The following MAP3K9 variants were observed in gnomAD, a reference collection of about 807,000 sequenced individuals.
MAP3K9 encodes the protein mitogen-activated protein kinase kinase kinase 9.
A neutral mutation model predicts 95.8 loss-of-function variants in MAP3K9; 46 were observed. The ratio of observed to expected loss-of-function variants is 0.48; its 90% CI spans 0.38 to 0.61. The LOEUF is 0.61. MAP3K9 is among the 20% of genes least tolerant of loss of function. The probability of loss-of-function intolerance (pLI) is 0.00; values close to 1 mark genes in which losing one functional copy is unlikely to be tolerated. For synonymous variants in MAP3K9, 533 were observed against 593.8 expected, an observed-to-expected ratio of 0.90 and a Z score of 1.49; for missense variants, 1,296 against 1,474.3, an observed-to-expected ratio of 0.88 and a Z score of 1.98.
chr14:70,742,306 T>C (rs1398513364), intron 6 of MAP3K9, 45 bp downstream of exon 6: 5 of 1,592,654 alleles, frequency 3.1e-6, no homozygotes, highest in East Asian at 2.2e-5. Context: ...GCCACACGAG[T>C]TCTTTGCCCT....
Position 70,800,795 on chromosome 14 carries a change from A to G in MAP3K9, c.692T>C (p.Val231Ala). The change falls in exon 2 of 12, where the codon GTG (valine) becomes GCG (alanine). Residue 231 changes from valine (V) to alanine (A), a missense_variant. By Grantham distance (64) the Val-to-Ala change is moderately conservative. Transcript: ENST00000554752. ...EFARGGPLNR[V>A]LSGKRIPPDI... ...TGGGGGAATCCTTTTCCCAGATAAC[A>G]CTCTATTCAAAGGTCCTCCACGAGC... The G allele has an allele frequency of 6.2e-7, 1 of 1,613,964 alleles. No homozygotes were observed. The highest frequency in any genetic ancestry group is 8.5e-7 in the Non-Finnish European group (1 of 1,180,008).
At chr14:70,799,095 A>C (rs2054899442) in intron 2 of MAP3K9, among the ~76,000 whole-genome samples, 1 of 152,210 alleles carries the variant, frequency 6.6e-6, no homozygotes, top group African/African-American at 2.4e-5. Context: ...TTCTCTCTAA[A>C]GGGAAACATT....
At chr14:70,774,406 C>T (rs545997911) in intron 2 of MAP3K9, among the ~76,000 whole-genome samples, 39 of 152,336 alleles carry the variant, frequency 2.6e-4, no homozygotes, top group African/African-American at 9.1e-4. Flanking sequence ...TGGCTCACGC[C>T]TGTAATCTCA....
chr14:70,732,686 A>T lies in MAP3K9; in HGVS notation c.2683T>A (p.Ser895Thr). ...AGGGTGACATGGGTGGGAGTCAGAG[A>T]TTGGTTAGGATCTCGTTTGAAGCGC... ...VERFKRDPNQ[S>T]LTPTHVTLTT... Residue 895 changes from serine to threonine, a missense_variant, in exon 11 of 12, where the codon TCT becomes ACT. By Grantham distance (58) the Ser-to-Thr change is moderately conservative. Transcript: ENST00000554752. The T allele has an allele frequency of 6.2e-7, 1 of 1,601,122 alleles. No homozygotes were observed.
At chr14:70,760,589 T>C (rs1053204092) in intron 3 of MAP3K9, among the ~76,000 whole-genome samples, 5 of 152,116 alleles carry the variant, frequency 3.3e-5, no homozygotes, top group Admixed American at 6.6e-5. Flanking sequence ...AGTGAGGACA[T>C]TGGGTTAATC....
intron 3 of MAP3K9, among the ~76,000 whole-genome samples, chr14:70,752,373 T>C (rs575466744): frequency 1.3e-5 from 2 of 152,186 alleles, no homozygotes; most frequent in African/African-American, 2.4e-5. Flanking sequence ...CTCATAGATA[T>C]GTGAGTGAGT....
intron 2 of MAP3K9, among the ~76,000 whole-genome samples, chr14:70,773,434 T>C (rs2054556204): frequency 6.6e-6 from 1 of 152,236 alleles, no homozygotes; most frequent in African/African-American, 2.4e-5. Flanking sequence ...GAAAAGAGCC[T>C]GAAATCTGTG....
rs1239475856 is a variant in MAP3K9, at chr14:70,800,890, C to G, written c.597G>C (p.Lys199Asn). The G allele has an allele frequency of 6.2e-7, 1 of 1,614,206 alleles. No homozygotes were observed. Among genetic ancestry groups the G allele is most frequent in the Non-Finnish European group, 8.5e-7 (1 of 1,180,034 alleles). Residue 199 changes from lysine to asparagine, a missense_variant, in exon 2 of 12, where the codon AAG becomes AAC. Lys to Asn is a moderately conservative substitution (Grantham distance 94). Transcript: ENST00000554752. ...RQEAKLFAML[K>N]HPNIIALRGV... ...CTCTTAGGGCAATGATGTTGGGGTG[C>G]TTCAGCATGGCGAAGAGCTTGGCCT...
intron 9 of MAP3K9, among the ~76,000 whole-genome samples, chr14:70,735,087 C>T (rs4899367): frequency 0.93 from 142,355 of 152,324 alleles, 66,658 homozygotes; most frequent in African/African-American, 0.96. Context: ...GACAGACCTA[C>T]GTGGGTAGTG....
rs376380612 is a variant in MAP3K9, at chr14:70,732,629, G to A, written c.2740C>T (p.Arg914Trp). Residue 914 changes from arginine (R) to tryptophan (W), a missense_variant, in exon 11 of 12, where the codon CGG becomes TGG. Physicochemically the swap from Arg to Trp is moderately radical, Grantham distance 101. Coordinates refer to ENST00000554752, the MANE Select transcript of MAP3K9 (RefSeq NM_001284230.2). ...TTAAGGGCCCCATCAGAAGGAGTCC[G>A]CCGGTGACTGCTGGGCTGCGAGGGG... Reference protein sequence around the residue: ...TTPSQPSSHRRTPSDGALKPE... With the variant: ...TTPSQPSSHRWTPSDGALKPE... 6.8e-5 allele frequency: 110 copies of A among 1,606,650 alleles called. No individual in the cohort carries two copies. In the Middle Eastern group the frequency reaches 1.2e-3, roughly 17 times the overall value.
chr14:70,795,317 T>C (rs547354757), intron 2 of MAP3K9, among the ~76,000 whole-genome samples: 1 of 148,858 alleles, frequency 6.7e-6, no homozygotes, highest in African/African-American at 2.5e-5. Flanking sequence ...TTTATTTATT[T>C]ATTTTTTTTG....
intron 2 of MAP3K9, among the ~76,000 whole-genome samples, chr14:70,764,315 A>T (rs12589737): frequency 0.89 from 135,192 of 151,592 alleles, 60,353 homozygotes; most frequent in Middle Eastern, 0.94. Flanking sequence ...CCCCTTCCAG[A>T]GGAACAAGAT....
chr14:70,801,877 C>T (rs1438180466), intron 1 of MAP3K9, among the ~76,000 whole-genome samples: 4 of 152,092 alleles, frequency 2.6e-5, no homozygotes, highest in South Asian at 2.1e-4. Flanking sequence ...ACATGGAGTA[C>T]GAAGTATACG....
chr14:70,781,791 TCAGAGCCCACA>T (rs964955334), intron 2 of MAP3K9, among the ~76,000 whole-genome samples: 1 of 152,184 alleles, frequency 6.6e-6, no homozygotes. Flanking sequence ...TCTGCCTGAT[TCAGAGCCCACA>T]ACTGTACCAG....
intron 2 of MAP3K9, among the ~76,000 whole-genome samples, chr14:70,773,083 CT>C (rs1211981828): frequency 6.6e-6 from 1 of 152,212 alleles, no homozygotes; most frequent in Non-Finnish European, 1.5e-5. Flanking sequence ...AATATTTACA[CT>C]TTATACAAAC....
At chr14:70,736,681 C>CT (rs2053990709) in intron 8 of MAP3K9, among the ~76,000 whole-genome samples, 1 of 152,214 alleles carries the variant, frequency 6.6e-6, no homozygotes, top group African/African-American at 2.4e-5. Flanking sequence ...CTCAGGGTGA[C>CT]TGAGTTTCTC....
chr14:70,779,333 A>C (rs2054643431), intron 2 of MAP3K9, among the ~76,000 whole-genome samples: 1 of 152,266 alleles, frequency 6.6e-6, no homozygotes, highest in Non-Finnish European at 1.5e-5. Flanking sequence ...AAAAAGCAAC[A>C]GACTGGCAGT....
intron 3 of MAP3K9, among the ~76,000 whole-genome samples, chr14:70,757,192 C>A (rs2054309318): frequency 6.6e-6 from 1 of 152,040 alleles, no homozygotes; most frequent in Non-Finnish European, 1.5e-5. Flanking sequence ...GTCAATAGGG[C>A]CAGGCGCAGT....
At chr14:70,753,670 C>G (rs902091678) in intron 3 of MAP3K9, among the ~76,000 whole-genome samples, 10 of 152,254 alleles carry the variant, frequency 6.6e-5, no homozygotes, top group Admixed American at 1.3e-4. Context: ...AGTACCTCCC[C>G]GCAACACAGA....
Sources: allele counts gnomAD v4.1 joint callset (sites outside exome capture counted in the v4.1 genomes callset), GRCh38; gene constraint gnomAD v4.1.1; transcripts MANE v1.5; gene names NCBI Gene and HGNC (gene_info 2026-07-23, HGNC 2026-07-21).